RSKR: variants seen among roughly 807,000 people sequenced by gnomAD.
RSKR encodes the protein ribosomal protein S6 kinase-related protein.
A neutral mutation model predicts 56.8 loss-of-function variants in RSKR; 44 were observed. The ratio of observed to expected loss-of-function variants is 0.77; its 90% CI spans 0.61 to 1.00. The LOEUF (loss-of-function observed/expected upper bound fraction) is 1.00. Ranked by LOEUF, RSKR falls within the 50% of genes least tolerant of loss-of-function variation. The pLI is 0.00. For missense variants in RSKR, 510 were observed against 506.9 expected, an observed-to-expected ratio of 1.01 and a Z score of -0.06; for synonymous variants, 181 against 188.0, an observed-to-expected ratio of 0.96 and a Z score of 0.30.
At chr17:28,613,206 A>G (rs1567634351) in intron 3 of RSKR, 56 bp downstream of exon 3, 9 of 1,613,234 alleles carry the variant, frequency 5.6e-6, no homozygotes, top group Non-Finnish European at 6.8e-6. Context: ...TATTCCTCCC[A>G]ACCTCTCTGG....
rs749382342 is a variant in RSKR, at chr17:28,609,032, C to CTTTTTTTTT, written c.*1437_*1445dup. 2.1e-5 allele frequency: 2 copies of CTTTTTTTTT among 93,632 alleles called. No individual in the cohort carries two copies. Among genetic ancestry groups the CTTTTTTTTT allele is most frequent in the African/African-American group, 4.8e-5 (1 of 20,800 alleles). 5.8% of individuals were successfully genotyped at this position (93,632 alleles called of 1,614,324 possible). A position where few individuals can be genotyped will look rare whatever the true frequency, so the allele number is the denominator to read the frequency against. ...TTGAGATATGTCTCTAACCTTAAAT[C>CTTTTTTTTT]TTTTTTTTTTTTTTTTTTTTTTTTT... On this transcript the variant is annotated 3_prime_UTR_variant, in exon 12 of 12. Transcript: ENST00000301037.
chr17:28,611,713 T>C, intron 8 of RSKR, 55 bp downstream of exon 8: 1 of 1,613,844 alleles, frequency 6.2e-7, no homozygotes, highest in Non-Finnish European at 8.5e-7. Context: ...AGCCATGATT[T>C]ATTCCCAAAC....
intron 11 of RSKR, 65 bp from the exon 12 acceptor site, chr17:28,610,764 G>A (rs2070801418): frequency 7.0e-7 from 1 of 1,437,050 alleles, no homozygotes; most frequent in Admixed American, 2.1e-5. Context: ...AGAAAGGATG[G>A]AAAAGAAGAA....
At chr17:28,613,746 C>T (rs1416982716) in intron 1 of RSKR, 58 bp from the exon 2 acceptor site, 1 of 1,600,472 alleles carries the variant, frequency 6.2e-7, no homozygotes, top group East Asian at 2.2e-5. Context: ...CAGGTTCCAC[C>T]CATCTTACTA....
At position 28,611,578 on chromosome 17, in the gene RSKR, A is replaced by G; in HGVS notation, c.800T>C (p.Leu267Pro). The G allele has an allele frequency of 3.2e-6, 5 of 1,555,210 alleles. No homozygotes were observed. The highest frequency in any genetic ancestry group is 4.3e-6 in the Non-Finnish European group (5 of 1,153,562). The change falls in exon 9 of 12, where the codon CTT (leucine) becomes CCT (proline). Residue 267 changes from leucine to proline, a missense_variant. Transcript: ENST00000301037. ...TTAACCTCTCTCACCCATGTACTGAAGAGTGCCACAGATAGTGTAGGCTTG... is the reference window on the plus strand; with the variant it reads ...TTAACCTCTCTCACCCATGTACTGAGGAGTGCCACAGATAGTGTAGGCTTG... ...GAQAYTICGT[L>P]QYMAPEVLSG...
In RSKR at chr17:28,614,057, T is replaced by G; in HGVS notation, c.75+30A>C. ...AAGCCCATGTCTCCCTCTCCTCCCC[T>G]CAGTAGGCTGCCAGAGCCCCACAGC... On this transcript the variant is annotated intron_variant, in intron 1 of 11. Coordinates refer to ENST00000301037, the MANE Select transcript of RSKR (RefSeq NM_001174103.2). 3.1e-6 allele frequency: 5 copies of G among 1,607,942 alleles called. No individual in the cohort carries two copies. In the South Asian group the frequency reaches 5.5e-5, roughly 18 times the overall value.
At position 28,609,730 on chromosome 17, in the gene RSKR, C is replaced by A. The variant is rs1190465862; in HGVS notation, c.*748G>T. The A allele has an allele frequency of 5.3e-5, 7 of 131,280 alleles. No homozygotes were observed. In the South Asian group the frequency reaches 1.3e-3, roughly 24 times the overall value. The allele number at this position is 131,280 out of a possible 1,614,324, so 8.1% of individuals were successfully genotyped here. A position where few individuals can be genotyped will look rare whatever the true frequency, so the allele number is the denominator to read the frequency against. ...TCCAACCTGGGTGACGAGAGTGAGACCCTATCTCAAAAAAAAAAAAAAAAA... is the reference window on the plus strand; with the variant it reads ...TCCAACCTGGGTGACGAGAGTGAGAACCTATCTCAAAAAAAAAAAAAAAAA... On this transcript the variant is annotated 3_prime_UTR_variant, in exon 12 of 12. Transcript: ENST00000301037.
rs1177630477 is a variant in RSKR, at chr17:28,613,757, G to C, written c.76-69C>G. On this transcript the variant is annotated intron_variant, in intron 1 of 11. Transcript: ENST00000301037. Reference sequence around the variant, plus strand: ...ATAGCAGGTTCCACCCATCTTACTAGGCACTCCCTCCCCTTAAGTCTCAAC... The same window carrying C: ...ATAGCAGGTTCCACCCATCTTACTACGCACTCCCTCCCCTTAAGTCTCAAC... The C allele has an allele frequency of 1.2e-5, 19 of 1,590,730 alleles. No individual in the cohort carries two copies. In the Admixed American group the frequency reaches 3.3e-4, roughly 27 times the overall value.
chr17:28,610,213 G>A lies in RSKR; in HGVS notation c.*265C>T. 2.2e-6 allele frequency: 1 copy of A among 444,622 alleles called. No homozygotes were observed. 27.5% of individuals were successfully genotyped at this position (444,622 alleles called of 1,614,324 possible). On this transcript the variant is annotated 3_prime_UTR_variant, in exon 12 of 12. Transcript: ENST00000301037. ...GACAGCCTGAGGGTAAAGAGCACTGGAGAAGTAAAGAAAAGGAAAAGGTCA... is the reference window on the plus strand; with the variant it reads ...GACAGCCTGAGGGTAAAGAGCACTGAAGAAGTAAAGAAAAGGAAAAGGTCA...
Position 28,613,243 on chromosome 17 carries a change from G to A in RSKR, c.408+19C>T. On this transcript the variant is annotated intron_variant, in intron 3 of 11. Transcript: ENST00000301037. ...ATCAAGATTGGAAACAGAGACTAAT[G>A]TGGTATCTACGCCCCTACCTTCACT... 1.2e-6 allele frequency: 2 copies of A among 1,613,840 alleles called. No individual in the cohort carries two copies. Among genetic ancestry groups the A allele is most frequent in the South Asian group, 1.1e-5 (1 of 91,084 alleles).
In RSKR at chr17:28,611,413, AAAGC is replaced by A. The variant is rs1288422597; in HGVS notation, c.876_879del (p.Leu292PhefsTer24). The A allele has an allele frequency of 6.3e-7, 1 of 1,598,846 alleles. No individual in the cohort carries two copies. Among genetic ancestry groups the A allele is most frequent in the Non-Finnish European group, 8.5e-7 (1 of 1,177,894 alleles). On this transcript the variant is annotated frameshift_variant, in exon 10 of 12. Transcript: ENST00000301037. LOFTEE classifies it high-confidence loss of function. ...CTCACCTTTCCAGTCGCCAGAGAGA[AAAGC>A]AAGACACCCAGGGACCACCAATCAG...
At chr17:28,612,205 T>C in intron 6 of RSKR, 57 bp downstream of exon 6, 2 of 1,596,226 alleles carry the variant, frequency 1.3e-6, no homozygotes, top group Non-Finnish European at 1.7e-6. Context: ...TTTTTTACTC[T>C]CCTTCTTCCG....
In RSKR at chr17:28,610,704, A is replaced by T. The variant is rs776065863; in HGVS notation, c.1012-5T>A. The T allele has an allele frequency of 4.6e-5, 70 of 1,535,838 alleles. No homozygotes were observed. Among genetic ancestry groups the T allele is most frequent in the Non-Finnish European group, 5.6e-5 (64 of 1,146,716 alleles). ...GAGGGGGTTCTGGCATAAGAGCTGA[A>T]GGAAAATAGAGCATGAAGGATGAGT... is the stretch of plus-strand genomic sequence containing the variant. On this transcript the variant is annotated splice_region_variant and splice_polypyrimidine_tract_variant and intron_variant, in intron 11 of 11. Coordinates refer to ENST00000301037, the MANE Select transcript of RSKR (RefSeq NM_001174103.2).
Position 28,613,513 on chromosome 17 carries a change from G to A in RSKR, c.251C>T (p.Pro84Leu). 6.2e-7 allele frequency: 1 copy of A among 1,614,222 alleles called. No individual in the cohort carries two copies. The highest frequency in any genetic ancestry group is 8.5e-7 in the Non-Finnish European group (1 of 1,180,036). The change falls in exon 2 of 12, where the codon CCA becomes CTA. Residue 84 changes from proline to leucine, a missense_variant. Transcript: ENST00000301037. The stretch of plus-strand genomic sequence containing the variant: ...AAAGAGGTTGATGAACTGAGGCACT[G>A]GCCACTCTGGCAGAGGCTTCTCTAC... Reference protein sequence around the residue: ...VLVEKPLPEWPVPQFINLFLP... With the variant: ...VLVEKPLPEWLVPQFINLFLP...
rs2151529478 is a variant in RSKR, at chr17:28,609,905, T to C, written c.*573A>G. On this transcript the variant is annotated 3_prime_UTR_variant, in exon 12 of 12. Coordinates refer to ENST00000301037, the MANE Select transcript of RSKR (RefSeq NM_001174103.2). Reference sequence around the variant, plus strand: ...TGTCTCTACTAAAAAATACAAAAATTAGCTGGGCATAATGGTGTGCATTTG... The same window carrying C: ...TGTCTCTACTAAAAAATACAAAAATCAGCTGGGCATAATGGTGTGCATTTG... The C allele has an allele frequency of 1.3e-5, 2 of 152,092 alleles. No individual in the cohort carries two copies. 9.4% of individuals were successfully genotyped at this position (152,092 alleles called of 1,614,324 possible).
chr17:28,611,887 A>C, intron 7 of RSKR, 92 bp from the exon 8 acceptor site: 1 of 1,612,122 alleles, frequency 6.2e-7, no homozygotes, highest in Non-Finnish European at 8.5e-7. Flanking sequence ...TGCCCTACTC[A>C]GCACTCAAAT....
At chr17:28,612,142 G>A in intron 6 of RSKR, 58 bp from the exon 7 acceptor site, 1 of 1,600,158 alleles carries the variant, frequency 6.2e-7, no homozygotes, top group East Asian at 2.2e-5. Context: ...AGTTTCCCTA[G>A]TAGCCCTCAT....
intron 11 of RSKR, 37 bp from the exon 12 acceptor site, chr17:28,610,736 G>T: frequency 1.3e-6 from 2 of 1,520,336 alleles, no homozygotes; most frequent in South Asian, 1.2e-5. Flanking sequence ...GAGTGACTAG[G>T]ACAGGACAGG....
rs143795655 is a variant in RSKR at position 28,613,658 on chromosome 17, G to C, written c.106C>G (p.Arg36Gly). ...QGGNIRGPWARGWKSLWTGLG... is the reference protein window; with the variant it reads ...QGGNIRGPWAGGWKSLWTGLG... The stretch of plus-strand genomic sequence containing the variant: ...CCTGTCCAGAGGCTCTTCCAGCCTC[G>C]GGCCCAGGGACCCCGGATGTTGCCA... Residue 36 changes from arginine to glycine, a missense_variant, in exon 2 of 12, where the codon CGA becomes GGA. Coordinates refer to ENST00000301037, the MANE Select transcript of RSKR (RefSeq NM_001174103.2). The C allele has an allele frequency of 6.2e-7, 1 of 1,614,010 alleles. No individual in the cohort carries two copies. The highest frequency in any genetic ancestry group is 8.5e-7 in the Non-Finnish European group (1 of 1,180,000).
Sources: allele counts gnomAD v4.1 joint callset, GRCh38; gene constraint gnomAD v4.1.1; transcripts MANE v1.5; gene names NCBI Gene and HGNC (gene_info 2026-07-23, HGNC 2026-07-21).